The following WIZ variants were observed in gnomAD, a reference collection of about 807,000 sequenced individuals.
WIZ encodes protein Wiz.
In WIZ, 25 loss-of-function variants were observed where a neutral mutation model predicts 140.2. That is an observed-to-expected ratio of 0.18 (90% CI 0.13 to 0.25). The LOEUF is 0.25. Ranked by LOEUF, WIZ falls within the 10% of genes least tolerant of loss-of-function variation. The pLI is 1.00. For missense variants in WIZ, 2,231 were observed against 2,632.6 expected (o/e 0.85, Z 3.34); for synonymous variants, 1,125 against 1,154.3 (o/e 0.97, Z 0.51).
At chr19:15,426,240 T>C (rs558974724) in intron 9 of WIZ, among the ~76,000 whole-genome samples, 1 of 152,120 alleles carries the variant, frequency 6.6e-6, no homozygotes, top group South Asian at 2.1e-4. Flanking sequence ...GCTCTCAGCA[T>C]GGGGCACAGA....
chr19:15,426,313 C>A (rs1307674039), intron 9 of WIZ, among the ~76,000 whole-genome samples: 1 of 152,148 alleles, frequency 6.6e-6, no homozygotes, highest in African/African-American at 2.4e-5. Flanking sequence ...CTGCTCAGCA[C>A]ACAGTGGGCA....
In WIZ at chr19:15,442,555, C is replaced by T; in HGVS notation, c.278+121G>A. On this transcript the variant is annotated intron_variant, in intron 3 of 12. Coordinates refer to ENST00000673675, the MANE Select transcript of WIZ (RefSeq NM_001371589.1). The surrounding 1 kb of genome is among the most constrained non-coding windows in gnomAD (Gnocchi z 5.5). The stretch of plus-strand genomic sequence containing the variant: ...TGCCTGCCGGGAGCTGACTCCTCCT[C>T]CTGCCTGGCCTCCTGATTCCCTCCT... 1 of 782,216 alleles carries T rather than the reference C, an allele frequency of 1.3e-6. No homozygotes were observed. Among genetic ancestry groups the T allele is most frequent in the African/African-American group, 1.8e-5 (1 of 55,840 alleles). The allele number at this position is 782,216 out of a possible 1,614,324, so 48.5% of individuals were successfully genotyped here.
chr19:15,444,380 A>G (rs1486761524), intron 2 of WIZ, among the ~76,000 whole-genome samples: 1 of 152,122 alleles, frequency 6.6e-6, no homozygotes, highest in Non-Finnish European at 1.5e-5. Context: ...GGAAATTTGC[A>G]TCATCTACAG....
chr19:15,434,743 G>A (rs1331011924), intron 5 of WIZ, among the ~76,000 whole-genome samples: 1 of 152,128 alleles, frequency 6.6e-6, no homozygotes, highest in Non-Finnish European at 1.5e-5. Context: ...GCAAAGCCAG[G>A]CTGTGCAAGA....
intron 2 of WIZ, among the ~76,000 whole-genome samples, chr19:15,445,341 C>A (rs1969881215): frequency 6.6e-6 from 1 of 152,238 alleles, no homozygotes; most frequent in South Asian, 2.1e-4. Context: ...CTCTCCCACT[C>A]CGAGCCTTGG....
chr19:15,432,250 G>A (rs148537304), intron 5 of WIZ, among the ~76,000 whole-genome samples: 1,819 of 152,058 alleles, frequency 0.012, 20 homozygotes, highest in Middle Eastern at 0.017. Context: ...GAGGAGCGGC[G>A]GAGGAGTGTT....
intron 12 of WIZ, among the ~76,000 whole-genome samples, chr19:15,423,617 C>T (rs1321144564): frequency 6.6e-6 from 1 of 152,178 alleles, no homozygotes; most frequent in Non-Finnish European, 1.5e-5. Flanking sequence ...CCTAAAAAGG[C>T]CTCACAGCAC....
chr19:15,420,460 C>T lies in WIZ; in HGVS notation c.*2616G>A, dbSNP rs1968327339. The T allele has an allele frequency of 6.6e-6, 1 of 152,242 alleles. No individual in the cohort carries two copies. Among genetic ancestry groups the T allele is most frequent in the Non-Finnish European group, 1.5e-5 (1 of 68,040 alleles). 9.4% of individuals were successfully genotyped at this position (152,242 alleles called of 1,614,324 possible). The stretch of plus-strand genomic sequence containing the variant: ...AGCCTCAGGGATGCCTGCCTGTCTT[C>T]CAAACCAAGGCAGGGCCCCAGGACA... On this transcript the variant is annotated 3_prime_UTR_variant, in exon 13 of 13. Transcript: ENST00000673675.
In WIZ at chr19:15,422,941, C is replaced by T. The variant is rs1968460206; in HGVS notation, c.*135G>A. On this transcript the variant is annotated 3_prime_UTR_variant, in exon 13 of 13. Coordinates refer to ENST00000673675, the MANE Select transcript of WIZ (RefSeq NM_001371589.1). ...GGCGCCCTGGCTGTAGTGTGCCCGG[C>T]CCCCAAGGGGCGCCGGTTTGAGGTT... 3.0e-6 allele frequency: 4 copies of T among 1,348,864 alleles called. No individual in the cohort carries two copies. The highest frequency in any genetic ancestry group is 5.5e-5 in the Admixed American group (2 of 36,420). The allele number at this position is 1,348,864 out of a possible 1,614,324, so 83.6% of individuals were successfully genotyped here.
At position 15,428,026 on chromosome 19, in the gene WIZ, C is replaced by T; in HGVS notation, c.3814+84G>A. On this transcript the variant is annotated intron_variant, in intron 8 of 12. Transcript: ENST00000673675. This position sits in a 1 kb window ranked among gnomAD's most constrained non-coding sequence, Gnocchi z 6.4. Reference sequence around the variant, plus strand: ...AAGGGCCCCTGTCTACTCCCTGCCCCAGCAGGGAGGGGGCTGTGACCCCCC... The same window carrying T: ...AAGGGCCCCTGTCTACTCCCTGCCCTAGCAGGGAGGGGGCTGTGACCCCCC... The T allele has an allele frequency of 6.7e-7, 1 of 1,491,106 alleles. No individual in the cohort carries two copies. Among genetic ancestry groups the T allele is most frequent in the Non-Finnish European group, 8.9e-7 (1 of 1,124,322 alleles). The allele number at this position is 1,491,106 out of a possible 1,614,324, so 92.4% of individuals were successfully genotyped here. A position where few individuals can be genotyped will look rare whatever the true frequency, so the allele number is the denominator to read the frequency against.
chr19:15,444,131 T>A (rs2145398054), intron 2 of WIZ, among the ~76,000 whole-genome samples: 1 of 152,290 alleles, frequency 6.6e-6, no homozygotes, highest in South Asian at 2.1e-4. Context: ...TTAGCCTCAA[T>A]TTGAGGATGG....
At position 15,442,833 on chromosome 19, in the gene WIZ, T is replaced by G; in HGVS notation, c.206-85A>C. 1 of 874,904 alleles carries G rather than the reference T, an allele frequency of 1.1e-6. No individual in the cohort carries two copies. Among genetic ancestry groups the G allele is most frequent in the Non-Finnish European group, 1.5e-6 (1 of 661,546 alleles). 54.2% of individuals were successfully genotyped at this position (874,904 alleles called of 1,614,324 possible). A position where few individuals can be genotyped will look rare whatever the true frequency, so the allele number is the denominator to read the frequency against. On this transcript the variant is annotated intron_variant, in intron 2 of 12. Transcript: ENST00000673675. This position sits in a 1 kb window ranked among gnomAD's most constrained non-coding sequence, Gnocchi z 5.5. The stretch of plus-strand genomic sequence containing the variant: ...CCCCAGCTCCAGGAGCCCTGCCAGG[T>G]GCCTCAGAAAGGCCCTGCTGGCTCC...
At position 15,439,570 on chromosome 19, in the gene WIZ, C is replaced by T. The variant is rs896545026; in HGVS notation, c.1424G>A (p.Ser475Asn). ...ACVFCGFPAP[S>N]ESLLREHVRL... The stretch of plus-strand genomic sequence containing the variant: ...CACGTGCTCCCTGAGCAGGCTCTCG[C>T]TGGGCGCGGGGAAACCACAGAAGAC... The change falls in exon 4 of 13, where the codon AGC (serine) becomes AAC (asparagine). Residue 475 changes from serine (S) to asparagine (N), a missense_variant. Coordinates refer to ENST00000673675, the MANE Select transcript of WIZ (RefSeq NM_001371589.1). The surrounding 1 kb of genome is among the most constrained non-coding windows in gnomAD (Gnocchi z 7.0). The T allele has an allele frequency of 7.4e-6, 11 of 1,494,096 alleles. No homozygotes were observed. The African/African-American group carries it at 1.4e-4, about 19-fold the overall frequency. The allele number at this position is 1,494,096 out of a possible 1,614,324, so 92.6% of individuals were successfully genotyped here.
rs1189130585 is a variant in WIZ, at chr19:15,424,833, G to A, written c.5094C>T (p.Arg1698=). 6.2e-7 allele frequency: 1 copy of A among 1,610,092 alleles called. No individual in the cohort carries two copies. Among genetic ancestry groups the A allele is most frequent in the African/African-American group, 1.3e-5 (1 of 74,914 alleles). The change falls in exon 11 of 13, where the codon CGC becomes CGT. Residue 1698 remains arginine (R), a synonymous_variant. Coordinates refer to ENST00000673675, the MANE Select transcript of WIZ (RefSeq NM_001371589.1). The surrounding 1 kb of genome is among the most constrained non-coding windows in gnomAD (Gnocchi z 9.7). Reference sequence around the variant, plus strand: ...CACTGCGGAACTTCTTGGTGAAGGGGCGGCCGCCCTGGATGTAGCTGCGGT... The same window carrying A: ...CACTGCGGAACTTCTTGGTGAAGGGACGGCCGCCCTGGATGTAGCTGCGGT... ...GAYRSYIQGG[R]PFTKKFRSAG... is the part of the protein sequence containing the mutation.
chr19:15,425,218 G>A (rs1968665480), intron 10 of WIZ, 23 bp downstream of exon 10: 14 of 1,559,292 alleles, frequency 9.0e-6, no homozygotes, highest in Non-Finnish European at 1.0e-5. Flanking sequence ...CGCCCTCCCA[G>A]GACCCTGCCG....
chr19:15,447,381 G>A (rs966850624), intron 2 of WIZ, among the ~76,000 whole-genome samples: 1 of 152,164 alleles, frequency 6.6e-6, no homozygotes, highest in Admixed American at 6.5e-5. Flanking sequence ...GCATGATCCT[G>A]GCACTCTGTT....
chr19:15,425,514 C>T lies in WIZ; in HGVS notation c.4621G>A (p.Ala1541Thr), dbSNP rs766620311. 22 of 1,610,852 alleles carry T rather than the reference C, an allele frequency of 1.4e-5. No individual in the cohort carries two copies. In the South Asian group the frequency reaches 2.3e-4, roughly 17 times the overall value. Residue 1541 changes from alanine to threonine, a missense_variant, in exon 10 of 13, where the codon GCC (alanine) becomes ACC (threonine). Physicochemically the swap from Ala to Thr is moderately conservative, Grantham distance 58. Coordinates refer to ENST00000673675, the MANE Select transcript of WIZ (RefSeq NM_001371589.1). ...ALAEDGPPTV[A>T]PGPVQSPLPL... ...AGTGGGGACTGCACGGGCCCAGGGG[C>T]CACGGTGGGAGGCCCGTCCTCAGCC...
chr19:15,443,959 G>A (rs1415528766), intron 2 of WIZ, among the ~76,000 whole-genome samples: 3 of 152,158 alleles, frequency 2.0e-5, no homozygotes, highest in Non-Finnish European at 2.9e-5. Context: ...TGGAGCCAAT[G>A]CCTGGAGCGA....
At position 15,425,776 on chromosome 19, in the gene WIZ, G is replaced by A. The variant is rs1187585506; in HGVS notation, c.4367-8C>T. ...CCGGCTCTGCCCGGGACGCTGCAGG[G>A]GATCCAGGGTAGGGGGAAGGAGGAG... On this transcript the variant is annotated splice_polypyrimidine_tract_variant and splice_region_variant and intron_variant, in intron 9 of 12. Coordinates refer to ENST00000673675, the MANE Select transcript of WIZ (RefSeq NM_001371589.1). 2.6e-6 allele frequency: 4 copies of A among 1,537,650 alleles called. No individual in the cohort carries two copies. Among genetic ancestry groups the A allele is most frequent in the Non-Finnish European group, 3.5e-6 (4 of 1,140,512 alleles).
Sources: gnomAD v4.1 joint callset for allele counts (sites outside exome capture counted in the v4.1 genomes callset) on GRCh38, gnomAD v4.1.1 for gene constraint, Gnocchi (gnomAD v3.1) non-coding constraint, MANE v1.5 for transcripts, NCBI Gene and HGNC (gene_info 2026-07-23, HGNC 2026-07-21) for gene names.